ABTB3: variants seen among roughly 807,000 people sequenced by gnomAD.
The protein encoded by ABTB3 is ankyrin repeat and BTB domain containing 3, also known as ankyrin repeat- and BTB/POZ domain-containing protein 3.
the ABTB3 span, among the ~76,000 whole-genome samples, chr12:107,653,918 G>A: frequency 6.6e-6 from 1 of 152,122 alleles, no homozygotes; most frequent in African/African-American, 2.4e-5. Context: ...AACTGAAACT[G>A]TACCCTTTAA....
chr12:107,372,037 A>G, the ABTB3 span, among the ~76,000 whole-genome samples: 32 of 152,200 alleles, frequency 2.1e-4, no homozygotes, highest in Non-Finnish European at 4.3e-4. Flanking sequence ...TTATATGACA[A>G]AGTATCTTCA....
the ABTB3 span, among the ~76,000 whole-genome samples, chr12:107,435,333 T>C: frequency 2.0e-5 from 3 of 152,174 alleles, no homozygotes; most frequent in Non-Finnish European, 2.9e-5. Context: ...ATTCAGAGGG[T>C]TAGGGAAGCA....
At chr12:107,651,693 T>G in the ABTB3 span, 2 of 1,614,108 alleles carry the variant, frequency 1.2e-6, no homozygotes, top group South Asian at 1.1e-5. Flanking sequence ...GCTGCTAAGT[T>G]TTTCCAGCTG....
chr12:107,546,486 C>T, the ABTB3 span, among the ~76,000 whole-genome samples: 7 of 152,220 alleles, frequency 4.6e-5, no homozygotes, highest in East Asian at 1.9e-4. Context: ...GAGGCTGCAT[C>T]GTGAGATTTC....
At chr12:107,362,906 A>C in the ABTB3 span, among the ~76,000 whole-genome samples, 2 of 152,140 alleles carry the variant, frequency 1.3e-5, no homozygotes, top group Non-Finnish European at 2.9e-5. Context: ...TCCATTTTGT[A>C]GATGAGGAAA....
chr12:107,469,520 C>T, the ABTB3 span, among the ~76,000 whole-genome samples: 3 of 152,278 alleles, frequency 2.0e-5, no homozygotes, highest in East Asian at 1.9e-4. Flanking sequence ...TGATGCATGT[C>T]GGTTACTTAG....
At chr12:107,498,550 C>G in the ABTB3 span, among the ~76,000 whole-genome samples, 1 of 152,158 alleles carries the variant, frequency 6.6e-6, no homozygotes, top group African/African-American at 2.4e-5. Flanking sequence ...CATTTCCATG[C>G]CTTTTCCAGC....
chr12:107,654,561 A>C, the ABTB3 span, among the ~76,000 whole-genome samples: 1 of 152,102 alleles, frequency 6.6e-6, no homozygotes, highest in Non-Finnish European at 1.5e-5. Context: ...AGCCTCCCAA[A>C]GTGTTGGGAT....
chr12:107,621,109 GGCA>G, the ABTB3 span, among the ~76,000 whole-genome samples: 2 of 152,244 alleles, frequency 1.3e-5, no homozygotes, highest in Non-Finnish European at 2.9e-5. Context: ...TCAGTAAGGA[GGCA>G]GCAACACAGC....
chr12:107,634,125 C>T, the ABTB3 span, among the ~76,000 whole-genome samples: 2 of 152,162 alleles, frequency 1.3e-5, no homozygotes, highest in African/African-American at 2.4e-5. Flanking sequence ...CTGTGATCTA[C>T]CCACTTTAAT....
chr12:107,615,100 G>A, the ABTB3 span: 153 of 1,613,812 alleles, frequency 9.5e-5, no homozygotes, highest in Non-Finnish European at 1.2e-4. Flanking sequence ...CGTCCACCCC[G>A]AGACCCGCCA....
chr12:107,386,890 A>AGTGTGTGTGTGTGTGT, the ABTB3 span, among the ~76,000 whole-genome samples: 32 of 143,352 alleles, frequency 2.2e-4, no homozygotes, highest in Middle Eastern at 3.5e-3. Context: ...GGAAATGGAA[A>AGTGTGTGTGTGTGTGT]GTGTGTGTGT....
At chr12:107,424,856 C>T in the ABTB3 span, among the ~76,000 whole-genome samples, 19 of 152,302 alleles carry the variant, frequency 1.2e-4, no homozygotes, top group East Asian at 3.5e-3. Flanking sequence ...GCCACTTTCA[C>T]ATGCAGGGTG....
At chr12:107,553,368 G>A in the ABTB3 span, among the ~76,000 whole-genome samples, 2 of 152,168 alleles carry the variant, frequency 1.3e-5, no homozygotes, top group Non-Finnish European at 2.9e-5. Context: ...TTTTACAGAT[G>A]AGGAAACTGA....
At chr12:107,415,606 G>T in the ABTB3 span, among the ~76,000 whole-genome samples, 2 of 151,764 alleles carry the variant, frequency 1.3e-5, no homozygotes, top group Non-Finnish European at 2.9e-5. Flanking sequence ...TACTTGGGAG[G>T]CTGAGGCAGG....
the ABTB3 span, among the ~76,000 whole-genome samples, chr12:107,593,551 A>C: frequency 6.6e-6 from 1 of 152,244 alleles, no homozygotes; most frequent in African/African-American, 2.4e-5. Flanking sequence ...ACTAGCTAGC[A>C]TATACTTAGC....
the ABTB3 span, among the ~76,000 whole-genome samples, chr12:107,361,333 G>T: frequency 6.6e-6 from 1 of 152,100 alleles, no homozygotes; most frequent in Non-Finnish European, 1.5e-5. Context: ...TTCTGTGCCT[G>T]CTTTTTTCAT....
At chr12:107,464,612 A>G in the ABTB3 span, among the ~76,000 whole-genome samples, 1 of 152,194 alleles carries the variant, frequency 6.6e-6, no homozygotes, top group African/African-American at 2.4e-5. Context: ...GGCCTGGCCA[A>G]TGGTGACATT....
At chr12:107,606,868 C>T in the ABTB3 span, among the ~76,000 whole-genome samples, 11 of 152,210 alleles carry the variant, frequency 7.2e-5, no homozygotes, top group African/African-American at 2.7e-4. Flanking sequence ...TACACCCAGA[C>T]CCGTGCGCAC....
Sources: gnomAD v4.1 joint callset for allele counts (sites outside exome capture counted in the v4.1 genomes callset) on GRCh38, gnomAD v4.1.1 for gene constraint, MANE v1.5 for transcripts, NCBI Gene and HGNC (gene_info 2026-07-23, HGNC 2026-07-21) for gene names.